PFKFB3: variants seen among roughly 807,000 people sequenced by gnomAD.
The protein encoded by PFKFB3 is 6-phosphofructo-2-kinase/fructose-2,6-bisphosphatase 3.
Under a neutral mutation model 68.0 loss-of-function variants are expected in PFKFB3, and 33 were observed. The observed-to-expected ratio is 0.49, with a 90% CI of 0.37 to 0.65. PFKFB3 has a LOEUF of 0.65. Ranked by LOEUF, PFKFB3 falls within the 30% of genes least tolerant of loss-of-function variation. The probability of loss-of-function intolerance (pLI) is 0.00; values close to 1 mark genes in which losing one functional copy is unlikely to be tolerated. For synonymous variants in PFKFB3, 315 were observed against 288.2 expected (o/e 1.09, Z -0.94); for missense variants, 586 against 712.2 (o/e 0.82, Z 2.02).
the PFKFB3 span, among the ~76,000 whole-genome samples, chr10:6,320,507 A>G: frequency 6.6e-6 from 1 of 151,694 alleles, no homozygotes; most frequent in African/African-American, 2.4e-5. Context: ...GTGAAAGGGC[A>G]GTGGCACGGT....
In PFKFB3 at chr10:6,192,366, C is replaced by T. The variant is rs1022828933; in HGVS notation, c.17-21257C>T. ...CCTGCCCGTTTTTTTTTTCTTTCTT[C>T]TTTTTTTTTTTTTTTTTTGGCTTGA... On this transcript the variant is annotated intron_variant, in intron 1 of 14. Coordinates refer to the PFKFB3 transcript ENST00000379789. Among the ~76,000 whole-genome samples, 10 of 113,056 alleles carry T rather than the reference C, an allele frequency of 8.8e-5. No individual in the cohort carries two copies. The South Asian group carries it at 1.4e-3, about 16-fold the overall frequency. 74.2% of individuals were successfully genotyped at this position (113,056 alleles called of 152,430 possible).
chr10:6,270,633 T>G, the PFKFB3 span, among the ~76,000 whole-genome samples: 3 of 152,192 alleles, frequency 2.0e-5, no homozygotes, highest in Non-Finnish European at 4.4e-5. Flanking sequence ...AAGGGTCCGG[T>G]TCCCTCTTTA....
rs1296543502 is a variant in PFKFB3 at position 6,220,793 on chromosome 10, G to A, written c.759G>A (p.Arg253=). The A allele has an allele frequency of 1.2e-6, 2 of 1,613,976 alleles. No homozygotes were observed. Among genetic ancestry groups the A allele is most frequent in the Non-Finnish European group, 1.7e-6 (2 of 1,180,036 alleles). ...AGCCGCGTACCATCTACCTGTGCCG[G>A]CACGGCGAGAACGAGCACAACCTCC... The part of the protein sequence containing the change: ...HVQPRTIYLC[R]HGENEHNLQG... The change falls in exon 8 of 15, where the codon CGG becomes CGA. Residue 253 remains arginine, a synonymous_variant. Transcript: ENST00000379775. This position sits in a 1 kb window ranked among gnomAD's most constrained non-coding sequence, Gnocchi z 4.1.
At chr10:6,217,413 C>A (rs935507439) in intron 6 of PFKFB3, among the ~76,000 whole-genome samples, 1 of 152,158 alleles carries the variant, frequency 6.6e-6, no homozygotes, top group African/African-American at 2.4e-5. Context: ...AGTGGGCAGG[C>A]TTGGATGGGA....
At chr10:6,302,376 T>G in the PFKFB3 span, among the ~76,000 whole-genome samples, 224 of 118,108 alleles carry the variant, frequency 1.9e-3, 3 homozygotes, top group African/African-American at 7.6e-3. Flanking sequence ...TTTTTTTTTT[T>G]TTTTTTTTTT....
intron 1 of PFKFB3, among the ~76,000 whole-genome samples, chr10:6,189,105 C>T (rs905567500): frequency 6.6e-6 from 1 of 152,146 alleles, no homozygotes; most frequent in Non-Finnish European, 1.5e-5. Context: ...TCCCAAAGTG[C>T]TGGGATTACA....
chr10:6,272,579 C>T, the PFKFB3 span, among the ~76,000 whole-genome samples: 1 of 151,990 alleles, frequency 6.6e-6, no homozygotes, highest in South Asian at 2.1e-4. Context: ...CCTGTAATCC[C>T]AGCTACTTGG....
chr10:6,157,357 G>T (rs904462492), intron 1 of PFKFB3, among the ~76,000 whole-genome samples: 2 of 151,988 alleles, frequency 1.3e-5, no homozygotes, highest in East Asian at 3.9e-4. Flanking sequence ...CTCCCGAGTA[G>T]CTGGGACTAC....
chr10:6,256,353 C>T (rs976181135), downstream of PFKFB3, among the ~76,000 whole-genome samples: 15 of 152,124 alleles, frequency 9.9e-5, no homozygotes, highest in Admixed American at 3.9e-4. Flanking sequence ...GGTAACTGAA[C>T]CTACCTTCAG....
intron 1 of PFKFB3, among the ~76,000 whole-genome samples, chr10:6,155,575 C>G (rs533891879): frequency 6.6e-6 from 1 of 152,108 alleles, no homozygotes; most frequent in Admixed American, 6.6e-5. Flanking sequence ...GTCCTTCCTC[C>G]GTTTCCATAA....
the PFKFB3 span, among the ~76,000 whole-genome samples, chr10:6,284,295 A>C: frequency 6.6e-6 from 1 of 152,314 alleles, no homozygotes; most frequent in South Asian, 2.1e-4. Flanking sequence ...CTTCAACTAT[A>C]ATCGGGAATT....
At chr10:6,318,219 C>T in the PFKFB3 span, among the ~76,000 whole-genome samples, 1 of 152,244 alleles carries the variant, frequency 6.6e-6, no homozygotes, top group Non-Finnish European at 1.5e-5. Flanking sequence ...CATCCATGCA[C>T]CCATAGGGCC....
the PFKFB3 span, among the ~76,000 whole-genome samples, chr10:6,323,409 C>T: frequency 1.3e-5 from 2 of 152,198 alleles, no homozygotes; most frequent in African/African-American, 4.8e-5. Context: ...CCTCACCTCA[C>T]TCTGCTCACA....
chr10:6,264,293 G>C, the PFKFB3 span, among the ~76,000 whole-genome samples: 2 of 152,168 alleles, frequency 1.3e-5, no homozygotes, highest in Non-Finnish European at 2.9e-5. Flanking sequence ...ATCTTACTCT[G>C]TTCTTATTCA....
intron 1 of PFKFB3, among the ~76,000 whole-genome samples, chr10:6,208,768 G>A (rs546473453): frequency 3.9e-4 from 59 of 152,230 alleles, no homozygotes; most frequent in Middle Eastern, 3.4e-3. Flanking sequence ...GTAGGAACCC[G>A]GGGGTGCCAG....
rs1396104690 is a variant in PFKFB3 at position 6,215,394 on chromosome 10, G to T, written c.299+77G>T. The T allele has an allele frequency of 7.2e-6, 8 of 1,118,244 alleles. No individual in the cohort carries two copies. The Admixed American group carries it at 1.5e-4, about 21-fold the overall frequency. 69.3% of individuals were successfully genotyped at this position (1,118,244 alleles called of 1,614,324 possible). A position where few individuals can be genotyped will look rare whatever the true frequency, so the allele number is the denominator to read the frequency against. On this transcript the variant is annotated intron_variant, in intron 3 of 14. Coordinates refer to ENST00000379775, the MANE Select transcript of PFKFB3 (RefSeq NM_004566.4). This position sits in a 1 kb window ranked among gnomAD's most constrained non-coding sequence, Gnocchi z 4.3. ...GCGGGCATAAGGCTGGGCTGCAGGA[G>T]TAAGGCTGGGCCGCGGGCGTAGGGC...
chr10:6,226,094 T>C (rs1588529715), intron 13 of PFKFB3, 98 bp from the exon 14 acceptor site: 2 of 1,109,874 alleles, frequency 1.8e-6, no homozygotes, highest in East Asian at 2.5e-5. Flanking sequence ...TCTTTTTGCC[T>C]CTCTAAAATC....
rs773962069 is a variant in PFKFB3, at chr10:6,215,175, C to A, written c.203-46C>A. Reference sequence around the variant, plus strand: ...CTATGGTCCCGGTGTGAGCTGGCCCCTTCCTCCTGCTCGATCATCCAGACT... The same window carrying A: ...CTATGGTCCCGGTGTGAGCTGGCCCATTCCTCCTGCTCGATCATCCAGACT... On this transcript the variant is annotated intron_variant, in intron 2 of 14. Transcript: ENST00000379775. This position sits in a 1 kb window ranked among gnomAD's most constrained non-coding sequence, Gnocchi z 4.3. 3.2e-6 allele frequency: 5 copies of A among 1,539,374 alleles called. No individual in the cohort carries two copies. The highest frequency in any genetic ancestry group is 1.7e-4 in the Middle Eastern group (1 of 5,938).
intron 1 of PFKFB3, among the ~76,000 whole-genome samples, chr10:6,194,393 A>G (rs1036498312): frequency 2.6e-5 from 4 of 152,218 alleles, no homozygotes; most frequent in African/African-American, 9.7e-5. Flanking sequence ...ACTTTTGAAA[A>G]CTATGTTTCC....
Sources: gnomAD v4.1 joint callset for allele counts (sites outside exome capture counted in the v4.1 genomes callset) on GRCh38, gnomAD v4.1.1 for gene constraint, Gnocchi (gnomAD v3.1) non-coding constraint, MANE v1.5 for transcripts, NCBI Gene and HGNC (gene_info 2026-07-23, HGNC 2026-07-21) for gene names.